The following HDX variants were observed in gnomAD, a reference collection of about 807,000 sequenced individuals.
HDX encodes the protein highly divergent homeobox, also known as chromosome X open reading frame 43.
Under a neutral mutation model 45.2 loss-of-function variants are expected in HDX, and 19 were observed. The observed-to-expected ratio is 0.42, with a 90% CI of 0.29 to 0.62. The LOEUF (loss-of-function observed/expected upper bound fraction) is 0.62, where lower values mean the gene tolerates loss of function less well. HDX is among the 20% of genes least tolerant of loss of function. The pLI, the probability that HDX is intolerant of heterozygous loss-of-function variation, is 0.20. For missense variants in HDX, 532 were observed against 493.9 expected (o/e 1.08, Z -0.73); for synonymous variants, 188 against 172.8 (o/e 1.09, Z -0.69).
intron 5 of HDX, among the ~76,000 whole-genome samples, chrX:84,373,040 C>T (rs1033254208): frequency 1.8e-5 from 2 of 111,383 alleles, no homozygotes; most frequent in Admixed American, 9.6e-5. Flanking sequence ...TAAAATATGT[C>T]ATTTTTAATA....
chrX:84,472,020 T>TA (rs932259348), intron 3 of HDX, among the ~76,000 whole-genome samples: 49 of 109,854 alleles, frequency 4.5e-4, no homozygotes, highest in African/African-American at 1.4e-3. Flanking sequence ...GCATTACATT[T>TA]AAAAAAAATT....
chrX:84,338,625 C>T (rs2037018324), intron 7 of HDX, among the ~76,000 whole-genome samples: 1 of 110,435 alleles, frequency 9.1e-6, no homozygotes, highest in Admixed American at 9.7e-5. Context: ...CTACTCTGAT[C>T]CTGGTAACCT....
chrX:84,454,450 G>A (rs1433025568), intron 4 of HDX, among the ~76,000 whole-genome samples: 3 of 111,388 alleles, frequency 2.7e-5, no homozygotes, highest in Non-Finnish European at 3.8e-5. Flanking sequence ...TCTTTGCCAC[G>A]GGCCTGAGGT....
chrX:84,469,606 A>G lies in HDX; in HGVS notation c.148-31T>C, dbSNP rs761693216. 6.3e-6 allele frequency: 7 copies of G among 1,111,435 alleles called. No homozygotes were observed. In the South Asian group the frequency reaches 7.1e-5, roughly 11 times the overall value. The allele number at this position is 1,111,435 out of a possible 1,213,427, so 91.6% of individuals were successfully genotyped here. Reference sequence around the variant, plus strand: ...AGGATAAAACATGGTATTATGAAAAAAAAATTAAAAACAAACGAAGAAAAA... The same window carrying G: ...AGGATAAAACATGGTATTATGAAAAGAAAATTAAAAACAAACGAAGAAAAA... On this transcript the variant is annotated intron_variant, in intron 3 of 10. Transcript: ENST00000373177.
Position 84,367,825 on chromosome X carries a change from G to A in HDX, c.1306-6213C>T, listed in dbSNP as rs763571979. ...ATGAGAACACATGGACACAGGGAAG[G>A]GAACATCACACCACTGAGGCCTGTT... On this transcript the variant is annotated intron_variant, in intron 5 of 10. Coordinates refer to ENST00000373177, the MANE Select transcript of HDX (RefSeq NM_001177479.2). Among the ~76,000 whole-genome samples, 48 of 111,444 alleles carry A rather than the reference G, an allele frequency of 4.3e-4. 1 individual carries two copies. In the South Asian group the frequency reaches 0.017, roughly 41 times the overall value.
intron 5 of HDX, among the ~76,000 whole-genome samples, chrX:84,407,125 C>T (rs947769082): frequency 9.0e-6 from 1 of 111,038 alleles, no homozygotes; most frequent in African/African-American, 3.3e-5. Context: ...TTGCATGTCA[C>T]AGGGACTTTG....
rs371524812 is a variant in HDX at position 84,369,701 on chromosome X, T to A, written c.1306-8089A>T. Among the ~76,000 whole-genome samples, 6 of 112,437 alleles carry A rather than the reference T, an allele frequency of 5.3e-5. No individual in the cohort carries two copies. The East Asian group carries it at 1.7e-3, about 32-fold the overall frequency. ...TTTGCATTTCCCTGTTGATTAGTGA[T>A]GTTGAGCATCTTTCTATACGCTTGT... On this transcript the variant is annotated intron_variant, in intron 5 of 10. Transcript: ENST00000373177.
chrX:84,403,194 G>T (rs2038744587), intron 5 of HDX, among the ~76,000 whole-genome samples: 1 of 105,413 alleles, frequency 9.5e-6, no homozygotes, highest in African/African-American at 3.4e-5. Flanking sequence ...GCTAGATTCT[G>T]GTCAAACTTT....
chrX:84,437,917 C>T (rs5028143), intron 5 of HDX, among the ~76,000 whole-genome samples: 1,636 of 110,098 alleles, frequency 0.015, 26 homozygotes, highest in African/African-American at 0.052. Context: ...TGGGAGAGAA[C>T]GTCCTGGTCT....
At chrX:84,424,872 A>G (rs1389924233) in intron 5 of HDX, among the ~76,000 whole-genome samples, 2 of 111,480 alleles carry the variant, frequency 1.8e-5, no homozygotes, top group African/African-American at 6.5e-5. Flanking sequence ...TACAAAAAAA[A>G]AATTGGGAAA....
chrX:84,326,131 T>C, intron 10 of HDX, 47 bp downstream of exon 10: 1 of 1,170,311 alleles, frequency 8.5e-7, no homozygotes, highest in Non-Finnish European at 1.2e-6. Context: ...GACATACCAT[T>C]TTTTGACTTG....
At chrX:84,349,391 T>TTA (rs199554699) in intron 6 of HDX, among the ~76,000 whole-genome samples, 31 of 93,955 alleles carry the variant, frequency 3.3e-4, no homozygotes, top group East Asian at 2.0e-3. Context: ...TATTTAAAAA[T>TTA]TATATATATA....
At chrX:84,421,635 T>TA (rs56249555) in intron 5 of HDX, among the ~76,000 whole-genome samples, 8,127 of 96,620 alleles carry the variant, frequency 0.084, 460 homozygotes, top group East Asian at 0.43. Flanking sequence ...CTGAATGCAT[T>TA]AAAAAAAAAA....
chrX:84,367,430 G>A (rs1305976790), intron 5 of HDX, among the ~76,000 whole-genome samples: 1 of 112,058 alleles, frequency 8.9e-6, no homozygotes, highest in Non-Finnish European at 1.9e-5. Context: ...AACCATTGTG[G>A]AAGACAGTGT....
chrX:84,374,014 T>C (rs1421493691), intron 5 of HDX, among the ~76,000 whole-genome samples: 4 of 108,881 alleles, frequency 3.7e-5, no homozygotes, highest in Admixed American at 9.9e-5. Flanking sequence ...AAAACCCCAT[T>C]GTCTCAGCCC....
At chrX:84,337,829 A>G (rs916110490) in intron 7 of HDX, among the ~76,000 whole-genome samples, 10 of 111,391 alleles carry the variant, frequency 9.0e-5, no homozygotes, top group Non-Finnish European at 1.9e-4. Flanking sequence ...GAGAAACCAG[A>G]CTACTAAAAA....
At chrX:84,422,177 AG>A (rs1428626891) in intron 5 of HDX, among the ~76,000 whole-genome samples, 2 of 112,397 alleles carry the variant, frequency 1.8e-5, no homozygotes, top group South Asian at 3.6e-4. Flanking sequence ...AAAATGAAAA[AG>A]TAACAAGCAT....
At chrX:84,365,649 A>C (rs2037731686) in intron 5 of HDX, among the ~76,000 whole-genome samples, 1 of 111,849 alleles carries the variant, frequency 8.9e-6, no homozygotes, top group South Asian at 3.7e-4. Context: ...AGCTATTTTA[A>C]TAGCATATTT....
intron 5 of HDX, among the ~76,000 whole-genome samples, chrX:84,437,243 A>C (rs1235485252): frequency 1.8e-5 from 2 of 111,067 alleles, no homozygotes; most frequent in African/African-American, 6.6e-5. Context: ...TAAAGGTAAT[A>C]ATTTAATTCA....
Sources: gnomAD v4.1 joint callset for allele counts (sites outside exome capture counted in the v4.1 genomes callset) on GRCh38, gnomAD v4.1.1 for gene constraint, MANE v1.5 for transcripts, NCBI Gene and HGNC (gene_info 2026-07-23, HGNC 2026-07-21) for gene names.